RIN2: variants seen among roughly 807,000 people sequenced by gnomAD.
RIN2 encodes Ras and Rab interactor 2.
In RIN2, 36 loss-of-function variants were observed where a neutral mutation model predicts 78.0. That is an observed-to-expected ratio of 0.46 (90% CI 0.35 to 0.61). RIN2 has a LOEUF of 0.61. Ranked by LOEUF, RIN2 falls within the 20% of genes least tolerant of loss-of-function variation. RIN2 has a pLI of 0.00. For missense variants in RIN2, 1,087 were observed against 1,159.7 expected (o/e 0.94, Z 0.91); for synonymous variants, 466 against 466.8 (o/e 1.00, Z 0.02).
chr20:19,782,597 G>A (rs2034547220), intron 1 of RIN2, among the ~76,000 whole-genome samples: 1 of 150,884 alleles, frequency 6.6e-6, no homozygotes. Context: ...TGTTATTATT[G>A]AATAACAAAG....
At chr20:19,972,693 T>C (rs950254908) in intron 8 of RIN2, among the ~76,000 whole-genome samples, 4 of 152,188 alleles carry the variant, frequency 2.6e-5, no homozygotes, top group African/African-American at 9.7e-5. Flanking sequence ...ATGAGATTTG[T>C]AGTTTATATG....
chr20:19,871,592 G>T (rs978450305), intron 2 of RIN2, among the ~76,000 whole-genome samples: 1 of 152,200 alleles, frequency 6.6e-6, no homozygotes, highest in Non-Finnish European at 1.5e-5. Context: ...CATTCTAGCT[G>T]TTCTAGGTTG....
At chr20:19,948,888 A>G (rs6046472) in intron 4 of RIN2, among the ~76,000 whole-genome samples, 16,293 of 151,968 alleles carry the variant, frequency 0.11, 979 homozygotes, top group African/African-American at 0.15. Context: ...CTGCAGCCTC[A>G]ACCTCCTAGG....
At chr20:19,784,318 TTA>T (rs1225242663) in intron 1 of RIN2, among the ~76,000 whole-genome samples, 1 of 151,196 alleles carries the variant, frequency 6.6e-6, no homozygotes, top group African/African-American at 2.4e-5. Flanking sequence ...ATTTAAACAA[TTA>T]TGTGTGTGTG....
At chr20:19,906,080 C>T (rs539185722) in intron 3 of RIN2, among the ~76,000 whole-genome samples, 31 of 152,292 alleles carry the variant, frequency 2.0e-4, no homozygotes, top group Middle Eastern at 6.8e-3. Context: ...AGATTCACAG[C>T]CTGATCTCCC....
chr20:19,935,221 T>A (rs1450583945), intron 4 of RIN2, 22 bp downstream of exon 4: 9 of 1,569,834 alleles, frequency 5.7e-6, no homozygotes, highest in Non-Finnish European at 7.8e-6. Flanking sequence ...CACGGTTAGG[T>A]GATGGGTGCG....
At chr20:19,931,848 T>C (rs1341468536) in intron 3 of RIN2, among the ~76,000 whole-genome samples, 2 of 152,206 alleles carry the variant, frequency 1.3e-5, no homozygotes, top group Non-Finnish European at 2.9e-5. Context: ...TCCATTCTCC[T>C]CTTAATGAAC....
chr20:19,820,195 CAGTTAT>C (rs1448589339), intron 2 of RIN2, among the ~76,000 whole-genome samples: 3 of 152,100 alleles, frequency 2.0e-5, no homozygotes, highest in African/African-American at 7.2e-5. Flanking sequence ...TGTTTTGTGA[CAGTTAT>C]AAAGACTGGT....
intron 1 of RIN2, among the ~76,000 whole-genome samples, chr20:19,783,860 C>G (rs1194475291): frequency 1.3e-5 from 2 of 152,162 alleles, no homozygotes; most frequent in Non-Finnish European, 2.9e-5. Flanking sequence ...TGATTCCCAG[C>G]ATTTCAGGCC....
chr20:19,890,677 T>TATAAA (rs2038407848), intron 3 of RIN2, among the ~76,000 whole-genome samples: 1 of 7,610 alleles, frequency 1.3e-4, no homozygotes, highest in African/African-American at 7.0e-4. Flanking sequence ...CTGTTGACTC[T>TATAAA]ACAAAAAAAA....
intron 1 of RIN2, among the ~76,000 whole-genome samples, chr20:19,774,766 G>GTAATA (rs1373796783): frequency 6.6e-6 from 1 of 152,170 alleles, no homozygotes; most frequent in Non-Finnish European, 1.5e-5. Flanking sequence ...AATAGGATTT[G>GTAATA]GTGTTACAAA....
chr20:19,962,826 G>A (rs1175740343), intron 6 of RIN2, among the ~76,000 whole-genome samples: 6 of 152,260 alleles, frequency 3.9e-5, no homozygotes, highest in African/African-American at 4.8e-5. Flanking sequence ...GTGTGGTGGC[G>A]CAAGCCTGTA....
At chr20:19,935,056 C>T (rs1179079164) in intron 3 of RIN2, 43 bp from the exon 4 acceptor site, 3 of 1,473,098 alleles carry the variant, frequency 2.0e-6, no homozygotes, top group South Asian at 1.2e-5. Flanking sequence ...GCATGCCACG[C>T]CTCTCCACTT....
intron 3 of RIN2, among the ~76,000 whole-genome samples, chr20:19,920,204 G>A (rs2039857247): frequency 6.6e-6 from 1 of 151,544 alleles, no homozygotes; most frequent in Admixed American, 6.6e-5. Context: ...GCTGAGGCAG[G>A]AGAATGGCGT....
At chr20:19,846,912 C>T (rs2036804241) in intron 2 of RIN2, among the ~76,000 whole-genome samples, 1 of 152,192 alleles carries the variant, frequency 6.6e-6, no homozygotes, top group South Asian at 2.1e-4. Flanking sequence ...TTACTCCATC[C>T]AGCCTACCAT....
At chr20:19,978,017 G>C (rs78103219) in intron 9 of RIN2, among the ~76,000 whole-genome samples, 2 of 152,230 alleles carry the variant, frequency 1.3e-5, no homozygotes, top group Non-Finnish European at 2.9e-5. Flanking sequence ...CACAAGTCCA[G>C]GTGGAAGGAA....
chr20:19,773,056 T>C (rs4814896), intron 1 of RIN2, among the ~76,000 whole-genome samples: 114,951 of 152,192 alleles, frequency 0.76, 44,248 homozygotes, highest in African/African-American at 0.92. Context: ...ATCAAGGTGT[T>C]GGCAGGGCTG....
intron 2 of RIN2, among the ~76,000 whole-genome samples, chr20:19,836,834 C>A (rs1284253791): frequency 6.6e-6 from 1 of 151,944 alleles, no homozygotes; most frequent in Non-Finnish European, 1.5e-5. Context: ...TAACTATTTT[C>A]TTAAATAAAT....
chr20:19,936,982 G>A (rs909317347), intron 4 of RIN2, among the ~76,000 whole-genome samples: 6 of 152,144 alleles, frequency 3.9e-5, no homozygotes, highest in African/African-American at 1.2e-4. Flanking sequence ...GTTCTAAGTC[G>A]CTTATAGCGA....
Sources: gnomAD v4.1 joint callset for allele counts (sites outside exome capture counted in the v4.1 genomes callset) on GRCh38, gnomAD v4.1.1 for gene constraint, MANE v1.5 for transcripts, NCBI Gene and HGNC (gene_info 2026-07-23, HGNC 2026-07-21) for gene names.